UBP1: variants seen among roughly 807,000 people sequenced by gnomAD.
UBP1 encodes the protein upstream-binding protein 1.
In UBP1, 22 loss-of-function variants were observed where a neutral mutation model predicts 76.1. That is an observed-to-expected ratio of 0.29 (90% confidence interval 0.21 to 0.41). The LOEUF is 0.41. UBP1 is among the 10% of genes least tolerant of loss of function. The pLI, the probability that UBP1 is intolerant of heterozygous loss-of-function variation, is 1.00. For synonymous variants in UBP1, 224 were observed against 237.1 expected (o/e 0.94, Z 0.51); for missense variants, 436 against 668.1 (o/e 0.65, Z 3.83).
chr3:33,394,814 C>CTTGTTT (rs770661786), intron 13 of UBP1, among the ~76,000 whole-genome samples: 1 of 122,112 alleles, frequency 8.2e-6, no homozygotes, highest in Admixed American at 9.1e-5. Context: ...CTGCCCTCCA[C>CTTGTTT]TTGTTTTTTT....
Position 33,411,673 on chromosome 3 carries a change from C to T in UBP1, c.463G>A (p.Val155Met). The change falls in exon 5 of 16, where the codon GTG becomes ATG. Residue 155 changes from valine (V) to methionine (M), a missense_variant. Physicochemically the swap from Val to Met is conservative, Grantham distance 21 (BLOSUM62 1). Around this residue, in one of 3 missense-constraint regions of UBP1, gnomAD observed 161 missense variants for 237.9 expected, o/e 0.68. Transcript: ENST00000283629. Reference protein sequence around the residue: ...RLLDLDIPMSVGIIDTRTNPS... With the variant: ...RLLDLDIPMSMGIIDTRTNPS... Reference sequence around the variant, plus strand: ...TTCGTCCTTGTGTCAATTATTCCCACAGACATTGGAATATCTATGTTTTAA... The same window carrying T: ...TTCGTCCTTGTGTCAATTATTCCCATAGACATTGGAATATCTATGTTTTAA... 1 of 1,613,814 alleles carries T rather than the reference C, an allele frequency of 6.2e-7. No homozygotes were observed. Among genetic ancestry groups the T allele is most frequent in the African/African-American group, 1.3e-5 (1 of 75,034 alleles).
In UBP1 at chr3:33,390,334, C is replaced by T. The variant is rs41285089; in HGVS notation, c.1620G>A (p.Lys540=). ...ACAGTTCAGTCTATATAAGACATCA[C>T]TTCAAAATTATGTGGATGCCATCAC... ...ESSDGIHIIL[K] is the part of the protein sequence containing the mutation. Residue 540 remains lysine, a synonymous_variant, in exon 16 of 16, where the codon AAG becomes AAA. Transcript: ENST00000283629. 38,374 of 1,613,772 alleles carry T rather than the reference C, an allele frequency of 0.024. 556 individuals carry two copies. Among genetic ancestry groups the T allele is most frequent in the Non-Finnish European group, 0.029 (33,977 of 1,179,630 alleles).
intron 1 of UBP1, among the ~76,000 whole-genome samples, chr3:33,438,452 C>A (rs1017164692): frequency 6.6e-6 from 1 of 152,194 alleles, no homozygotes. Flanking sequence ...CTCTAATACT[C>A]CCCTCTGGGG....
chr3:33,430,195 A>G (rs1012107992), intron 1 of UBP1, among the ~76,000 whole-genome samples: 2 of 152,246 alleles, frequency 1.3e-5, no homozygotes, highest in Non-Finnish European at 2.9e-5. Context: ...AGTAAGTCCA[A>G]GCAAGCCTAG....
At chr3:33,397,561 T>A (rs1434848209) in intron 11 of UBP1, 1 of 152,928 alleles carries the variant, frequency 6.5e-6, no homozygotes. Context: ...AGTCCAGAGT[T>A]TGTGGGACTT....
chr3:33,396,466 G>T (rs923971694), intron 12 of UBP1, 186 bp from the exon 13 acceptor site: 2 of 510,632 alleles, frequency 3.9e-6, no homozygotes, highest in African/African-American at 3.8e-5. Flanking sequence ...TATCACAGGT[G>T]GTCTAATATG....
At chr3:33,427,647 G>C (rs535082889) in intron 1 of UBP1, among the ~76,000 whole-genome samples, 18 of 152,286 alleles carry the variant, frequency 1.2e-4, no homozygotes, top group African/African-American at 4.3e-4. Flanking sequence ...TATCCCACCA[G>C]TAGTCCCTAC....
chr3:33,400,262 C>G lies in UBP1; in HGVS notation c.1107G>C (p.Thr369=). The change falls in exon 11 of 16, where the codon ACG becomes ACC. Residue 369 remains threonine (T), a synonymous_variant. Coordinates refer to ENST00000283629, the MANE Select transcript of UBP1 (RefSeq NM_014517.5). ...TSGEQIQPSA[T]IQETQQWLLK... The stretch of plus-strand genomic sequence containing the variant: ...GCAGCCATTGCTGTGTTTCCTGGAT[C>G]GTAGCTGAAGGCTGAATTTGCTATT... 6.2e-7 allele frequency: 1 copy of G among 1,600,934 alleles called. No individual in the cohort carries two copies. The highest frequency in any genetic ancestry group is 8.5e-7 in the Non-Finnish European group (1 of 1,176,210).
At chr3:33,422,580 C>T (rs758886848) in intron 2 of UBP1, among the ~76,000 whole-genome samples, 1 of 151,692 alleles carries the variant, frequency 6.6e-6, no homozygotes, top group Admixed American at 6.6e-5. Context: ...TAAAAATTTG[C>T]CAGGCATGGT....
Position 33,409,260 on chromosome 3 carries a change from G to A in UBP1, c.795C>T (p.Ser265=). Reference sequence around the variant, plus strand: ...CCTCTGTGAGGATTGTGGTATCATAGGACGGCTGATACTTTTCTTTTTCAT... The same window carrying A: ...CCTCTGTGAGGATTGTGGTATCATAAGACGGCTGATACTTTTCTTTTTCAT... The part of the protein sequence containing the change: ...TAHEKEKYQP[S]YDTTILTEMR... The change falls in exon 7 of 16, where the codon TCC becomes TCT. Residue 265 remains serine (S), a synonymous_variant. Transcript: ENST00000283629. The A allele has an allele frequency of 1.9e-6, 3 of 1,614,006 alleles. No homozygotes were observed. The highest frequency in any genetic ancestry group is 2.5e-6 in the Non-Finnish European group (3 of 1,179,974).
intron 8 of UBP1, 125 bp downstream of exon 8, chr3:33,408,559 ACAAAAG>A (rs1457069139): frequency 2.0e-5 from 13 of 656,824 alleles, no homozygotes; most frequent in Non-Finnish European, 3.2e-5. Flanking sequence ...GGAAGTCTAA[ACAAAAG>A]CAAATTAAAT....
intron 3 of UBP1, among the ~76,000 whole-genome samples, chr3:33,413,866 G>A: frequency 6.6e-6 from 1 of 152,154 alleles, no homozygotes; most frequent in East Asian, 1.9e-4. Context: ...CATAGTGATG[G>A]TGCATAGGCT....
At chr3:33,408,928 CA>C (rs1292322950) in intron 7 of UBP1, 131 bp from the exon 8 acceptor site, 7 of 962,688 alleles carry the variant, frequency 7.3e-6, no homozygotes, top group Non-Finnish European at 1.1e-5. Flanking sequence ...AAAAAAAATG[CA>C]AAACCCCAGC....
chr3:33,394,938 T>C (rs1264504373), intron 13 of UBP1, among the ~76,000 whole-genome samples: 3 of 151,912 alleles, frequency 2.0e-5, no homozygotes, highest in Non-Finnish European at 2.9e-5. Context: ...ACCCTATGTA[T>C]GATCTAAAGA....
In UBP1 at chr3:33,409,898, T is replaced by C. The variant is rs376340629; in HGVS notation, c.556-297A>G. Among the ~76,000 whole-genome samples, 130 of 152,298 alleles carry C rather than the reference T, an allele frequency of 8.5e-4. 7 individuals carry two copies. The South Asian group carries it at 0.026, about 30-fold the overall frequency. On this transcript the variant is annotated intron_variant, in intron 5 of 15. Coordinates refer to ENST00000283629, the MANE Select transcript of UBP1 (RefSeq NM_014517.5). Reference sequence around the variant, plus strand: ...CAACACTACAGTAGCTTCCTATGTATACTGCCCACCTCCACCTTGGACTGT... The same window carrying C: ...CAACACTACAGTAGCTTCCTATGTACACTGCCCACCTCCACCTTGGACTGT...
rs759734858 is a variant in UBP1 at position 33,392,628 on chromosome 3, G to A, written c.1534-14C>T. 6.9e-6 allele frequency: 11 copies of A among 1,602,452 alleles called. No homozygotes were observed. The highest frequency in any genetic ancestry group is 9.4e-6 in the Non-Finnish European group (11 of 1,174,090). ...ATTCTGAACCATCTGGAAGGATAAA[G>A]TAAATGCGTAAGTACAATTAAGATC... On this transcript the variant is annotated splice_polypyrimidine_tract_variant and intron_variant, in intron 14 of 15. Transcript: ENST00000283629.
intron 2 of UBP1, among the ~76,000 whole-genome samples, chr3:33,425,059 A>G (rs942974793): frequency 6.6e-6 from 1 of 151,994 alleles, no homozygotes; most frequent in Non-Finnish European, 1.5e-5. Context: ...AAAAAAAGGT[A>G]AACTACCCCC....
chr3:33,396,402 T>C, intron 12 of UBP1, 122 bp from the exon 13 acceptor site: 1 of 696,024 alleles, frequency 1.4e-6, no homozygotes, highest in Admixed American at 2.9e-5. Flanking sequence ...TGTTATTTCG[T>C]TATACAAAGT....
intron 8 of UBP1, 57 bp from the exon 9 acceptor site, chr3:33,402,961 T>C: frequency 6.9e-7 from 1 of 1,445,352 alleles, no homozygotes; most frequent in Non-Finnish European, 9.5e-7. Flanking sequence ...GTGGAAGAAA[T>C]ATTTTTGTAA....
Sources: gnomAD v4.1 joint callset for allele counts (sites outside exome capture counted in the v4.1 genomes callset) on GRCh38, gnomAD v4.1.1 for gene constraint, gnomAD v4.1.1 regional missense constraint, MANE v1.5 for transcripts, NCBI Gene and HGNC (gene_info 2026-07-23, HGNC 2026-07-21) for gene names.